The following PITPNM1 variants were observed in gnomAD, a reference collection of about 807,000 sequenced individuals.
The protein encoded by PITPNM1 is phosphatidylinositol transfer protein membrane associated 1, also known as membrane-associated phosphatidylinositol transfer protein 1.
PITPNM1 carries 74 observed loss-of-function variants against 133.3 expected under a neutral mutation model. The observed-to-expected ratio is 0.56, with a 90% CI of 0.46 to 0.67. PITPNM1 has a LOEUF of 0.67. Among genes scored for constraint, PITPNM1 ranks in the 30% least tolerant of loss-of-function variants. The pLI is 0.00. For synonymous variants in PITPNM1, 738 were observed against 741.4 expected, an observed-to-expected ratio of 1.00 and a Z score of 0.08; for missense variants, 1,398 against 1,739.5, an observed-to-expected ratio of 0.80 and a Z score of 3.49.
In PITPNM1 at chr11:67,502,049, G is replaced by A. The variant is rs775935868; in HGVS notation, c.453C>T (p.Gly151=). The A allele has an allele frequency of 1.2e-6, 2 of 1,613,222 alleles. No individual in the cohort carries two copies. The highest frequency in any genetic ancestry group is 1.7e-6 in the Non-Finnish European group (2 of 1,179,948). The change falls in exon 5 of 24, where the codon GGC becomes GGT. Residue 151 remains glycine, a synonymous_variant. Transcript: ENST00000356404. This position sits in a 1 kb window ranked among gnomAD's most constrained non-coding sequence, Gnocchi z 5.9. ...IDIVRDAVAP[G]EYKAEEDPRL... ...GGGGGTCCTCTTCTGCTTTGTACTC[G>A]CCTGGGGCCACTGCATCCCGCACGA...
Position 67,495,170 on chromosome 11 carries a change from C to T in PITPNM1, c.2538G>A (p.Glu846=), listed in dbSNP as rs1046152005. 3.7e-6 allele frequency: 6 copies of T among 1,611,620 alleles called. No individual in the cohort carries two copies. The African/African-American group carries it at 8.0e-5, about 22-fold the overall frequency. ...TGACGGTGGGAAAGGCGGTGAGCGC[C>T]TCGGGGCAGTACAGCGAGTAGTCGA... ...KRIDYSLYCP[E]ALTAFPTVTL... is the part of the protein sequence containing the mutation. The change falls in exon 17 of 24, where the codon GAG becomes GAA. Residue 846 remains glutamate (E), a synonymous_variant. Coordinates refer to ENST00000356404, the MANE Select transcript of PITPNM1 (RefSeq NM_004910.3).
At position 67,502,829 on chromosome 11, in the gene PITPNM1, C is replaced by T. The variant is rs1042225191; in HGVS notation, c.79-111G>A. ...TCTGGGGCCCTGGTCCCAGCCTTTT[C>T]AACTCCCTGAAACCAGACCCCGCCC... On this transcript the variant is annotated intron_variant, in intron 2 of 23. Coordinates refer to ENST00000356404, the MANE Select transcript of PITPNM1 (RefSeq NM_004910.3). The surrounding 1 kb of genome is among the most constrained non-coding windows in gnomAD (Gnocchi z 5.9). 3.1e-5 allele frequency: 34 copies of T among 1,085,404 alleles called. 1 individual carries two copies. Among genetic ancestry groups the T allele is most frequent in the Non-Finnish European group, 4.1e-5 (31 of 751,168 alleles). The allele number at this position is 1,085,404 out of a possible 1,614,324, so 67.2% of individuals were successfully genotyped here. A position where few individuals can be genotyped will look rare whatever the true frequency, so the allele number is the denominator to read the frequency against.
chr11:67,499,863 G>A, intron 7 of PITPNM1, 33 bp from the exon 8 acceptor site: 1 of 1,592,000 alleles, frequency 6.3e-7, no homozygotes, highest in Non-Finnish European at 8.6e-7. Flanking sequence ...CATGGGGTGG[G>A]AGGAGCTGCT....
chr11:67,495,505 G>T lies in PITPNM1; in HGVS notation c.2415C>A (p.Gly805=). 2 of 1,579,460 alleles carry T rather than the reference G, an allele frequency of 1.3e-6. No homozygotes were observed. The highest frequency in any genetic ancestry group is 2.3e-5 in the East Asian group (1 of 43,990). The change falls in exon 16 of 24, where the codon GGC becomes GGA. Residue 805 remains glycine (G), a synonymous_variant. Coordinates refer to ENST00000356404, the MANE Select transcript of PITPNM1 (RefSeq NM_004910.3). ...PTSTSGAFWK[G]SELATDPPAQ... ...CCGGGGGGTCAGTGGCCAACTCACT[G>T]CCCTTCCAGAAGGCACCGCTAGTAG...
chr11:67,493,345 G>A (rs1447812247), intron 22 of PITPNM1, 65 bp downstream of exon 22: 9 of 1,437,040 alleles, frequency 6.3e-6, no homozygotes, highest in South Asian at 1.3e-5. Flanking sequence ...CCGCCGATCC[G>A]GGGGTGGAGG....
chr11:67,495,816 C>G (rs17847841), intron 15 of PITPNM1, among the ~76,000 whole-genome samples: 2 of 152,358 alleles, frequency 1.3e-5, no homozygotes, highest in Non-Finnish European at 2.9e-5. Context: ...CACACCTGTG[C>G]CCAACACAGG....
chr11:67,496,242 G>C lies in PITPNM1; in HGVS notation c.2253C>G (p.Ile751Met). The C allele has an allele frequency of 6.4e-7, 1 of 1,558,508 alleles. No homozygotes were observed. Among genetic ancestry groups the C allele is most frequent in the Non-Finnish European group, 8.6e-7 (1 of 1,159,770 alleles). Reference protein sequence around the residue: ...EPLLAPKFQAIAPLTVPRYQK... With the variant: ...EPLLAPKFQAMAPLTVPRYQK... ...GGTAGCGGGGCACGGTCAGTGGGGC[G>C]ATGGCCTGGAACTTCGGGGCCAGCA... The change falls in exon 15 of 24, where the codon ATC becomes ATG. Residue 751 changes from isoleucine (I) to methionine (M), a missense_variant. By Grantham distance (10) the Ile-to-Met change is conservative. Around this residue, in one of 5 missense-constraint regions of PITPNM1, gnomAD observed 574 missense variants for 698.7 expected, o/e 0.82. Transcript: ENST00000356404.
At position 67,499,705 on chromosome 11, in the gene PITPNM1, C is replaced by T; in HGVS notation, c.1171+18G>A. On this transcript the variant is annotated intron_variant, in intron 8 of 23. Transcript: ENST00000356404. Reference sequence around the variant, plus strand: ...GTACACGGGTGCTGGGGGCCGGTGTCCTAGGCGGTATCTTTACCTGGCGTT... The same window carrying T: ...GTACACGGGTGCTGGGGGCCGGTGTTCTAGGCGGTATCTTTACCTGGCGTT... The T allele has an allele frequency of 7.1e-7, 1 of 1,413,528 alleles. No homozygotes were observed. The highest frequency in any genetic ancestry group is 9.6e-7 in the Non-Finnish European group (1 of 1,045,366). 87.6% of individuals were successfully genotyped at this position (1,413,528 alleles called of 1,614,324 possible). A position where few individuals can be genotyped will look rare whatever the true frequency, so the allele number is the denominator to read the frequency against.
chr11:67,496,438 G>T, intron 14 of PITPNM1, 90 bp from the exon 15 acceptor site: 1 of 1,217,590 alleles, frequency 8.2e-7, no homozygotes, highest in Non-Finnish European at 1.1e-6. Flanking sequence ...GCACCCTGAT[G>T]TCTGGTGTGA....
intron 16 of PITPNM1, 31 bp from the exon 17 acceptor site, chr11:67,495,256 C>T: frequency 6.4e-7 from 1 of 1,553,794 alleles, no homozygotes; most frequent in Non-Finnish European, 8.7e-7. Flanking sequence ...GTCAGGATGG[C>T]CTCCTGCCCC....
At position 67,500,215 on chromosome 11, in the gene PITPNM1, T is replaced by C. The variant is rs1049031165; in HGVS notation, c.847A>G (p.Ser283Gly). Residue 283 changes from serine (S) to glycine (G), a missense_variant, in exon 6 of 24, where the codon AGC (serine) becomes GGC (glycine). By Grantham distance (56) the Ser-to-Gly change is moderately conservative (BLOSUM62 0). Transcript: ENST00000356404. ...GGCCCATCGGGGGTGCCAGTGTTGC[T>C]GGCCGCAGACCGGGCCTCGGTGCTC... ...KPSTEARSAASNTGTPDGPEA... is the reference protein window; with the variant it reads ...KPSTEARSAAGNTGTPDGPEA... The C allele has an allele frequency of 4.4e-6, 7 of 1,604,144 alleles. No homozygotes were observed. Among genetic ancestry groups the C allele is most frequent in the Non-Finnish European group, 5.9e-6 (7 of 1,179,414 alleles).
At position 67,502,848 on chromosome 11, in the gene PITPNM1, C is replaced by A; in HGVS notation, c.79-130G>T. On this transcript the variant is annotated intron_variant, in intron 2 of 23. Coordinates refer to ENST00000356404, the MANE Select transcript of PITPNM1 (RefSeq NM_004910.3). This position sits in a 1 kb window ranked among gnomAD's most constrained non-coding sequence, Gnocchi z 5.9. ...CCTTTTCAACTCCCTGAAACCAGAC[C>A]CCGCCCCACCAAAGCTCCCTGGGAT... The A allele has an allele frequency of 1.2e-6, 1 of 842,310 alleles. No individual in the cohort carries two copies. 52.2% of individuals were successfully genotyped at this position (842,310 alleles called of 1,614,324 possible). A position where few individuals can be genotyped will look rare whatever the true frequency, so the allele number is the denominator to read the frequency against.
intron 19 of PITPNM1, 84 bp from the exon 20 acceptor site, chr11:67,494,154 T>A: frequency 1.9e-6 from 3 of 1,539,692 alleles, no homozygotes; most frequent in Non-Finnish European, 2.7e-6. Flanking sequence ...GATGGGTGGG[T>A]CTAGGGGCAC....
chr11:67,503,863 T>G, intron 2 of PITPNM1: 4 of 391,264 alleles, frequency 1.0e-5, no homozygotes, highest in Non-Finnish European at 1.4e-5. Flanking sequence ...CCTTCCCCGA[T>G]GGGATTACAG....
In PITPNM1 at chr11:67,500,162, G is replaced by A; in HGVS notation, c.900C>T (p.Ser300=). 6.3e-7 allele frequency: 1 copy of A among 1,595,356 alleles called. No homozygotes were observed. The highest frequency in any genetic ancestry group is 8.5e-7 in the Non-Finnish European group (1 of 1,170,954). Residue 300 remains serine, a synonymous_variant, in exon 6 of 24, where the codon TCC becomes TCT. Transcript: ENST00000356404. ...ACTGCTTCCCAAAGCTGGCATCGGG[G>A]GAGGCATCTGGGCCTGGGGGGGCCT... ...GPEAPPGPDA[S]PDASFGKQWS...
chr11:67,494,811 C>T (rs773483246), intron 18 of PITPNM1, 35 bp downstream of exon 18: 1 of 1,347,076 alleles, frequency 7.4e-7, no homozygotes, highest in African/African-American at 1.5e-5. Context: ...CGAGAGTGGG[C>T]GAGTGGGCGA....
In PITPNM1 at chr11:67,502,902, A is replaced by G. The variant is rs1235851900; in HGVS notation, c.79-184T>C. Among the ~76,000 whole-genome samples the G allele has an allele frequency of 6.6e-6, 1 of 152,206 alleles. No homozygotes were observed. Among genetic ancestry groups the G allele is most frequent in the South Asian group, 2.1e-4 (1 of 4,832 alleles). ...AATCACAGATGCAGCCCAGCCCCGCATGGGGTCTGCAACCCAGCACTCAGT... is the reference window on the plus strand; with the variant it reads ...AATCACAGATGCAGCCCAGCCCCGCGTGGGGTCTGCAACCCAGCACTCAGT... On this transcript the variant is annotated intron_variant, in intron 2 of 23. Transcript: ENST00000356404. This position sits in a 1 kb window ranked among gnomAD's most constrained non-coding sequence, Gnocchi z 5.9.
intron 8 of PITPNM1, 46 bp from the exon 9 acceptor site, chr11:67,499,047 G>GT: frequency 6.4e-7 from 1 of 1,559,610 alleles, no homozygotes; most frequent in Non-Finnish European, 8.7e-7. Context: ...GGACCACTGG[G>GT]ATCCCCTCAT....
At position 67,493,488 on chromosome 11, in the gene PITPNM1, G is replaced by A. The variant is rs778699960; in HGVS notation, c.3264C>T (p.Gly1088=). The change falls in exon 22 of 24, where the codon GGC becomes GGT. Residue 1088 remains glycine (G), a synonymous_variant. Coordinates refer to ENST00000356404, the MANE Select transcript of PITPNM1 (RefSeq NM_004910.3). ...TGAGGCCGTCGCAGAAGGAGACGAC[G>A]CCGTGGGGGAAGTTGTGCTGCGACA... ...AWLSQHNFPH[G]VVSFCDGLTH... 14 of 1,602,484 alleles carry A rather than the reference G, an allele frequency of 8.7e-6. No homozygotes were observed. In the East Asian group the frequency reaches 2.0e-4, roughly 23 times the overall value.
Sources: gnomAD v4.1 joint callset for allele counts (sites outside exome capture counted in the v4.1 genomes callset) on GRCh38, gnomAD v4.1.1 for gene constraint, gnomAD v4.1.1 regional missense constraint, Gnocchi (gnomAD v3.1) non-coding constraint, MANE v1.5 for transcripts, NCBI Gene and HGNC (gene_info 2026-07-23, HGNC 2026-07-21) for gene names.